The following HPD variants were observed in gnomAD, a reference collection of about 807,000 sequenced individuals.
HPD encodes the protein 4-hydroxyphenylpyruvic acid oxidase.
In HPD, 35 loss-of-function variants were observed where a neutral mutation model predicts 56.9. The ratio of observed to expected loss-of-function variants is 0.62; its 90% CI spans 0.47 to 0.82. HPD has a LOEUF of 0.82. Among genes scored for constraint, HPD ranks in the 40% least tolerant of loss-of-function variants. HPD has a pLI of 0.00. For missense variants in HPD, 442 were observed against 506.8 expected (o/e 0.87, Z 1.23); for synonymous variants, 186 against 200.2 (o/e 0.93, Z 0.60).
the HPD span, among the ~76,000 whole-genome samples, chr12:121,881,597 C>T: frequency 4.6e-5 from 7 of 152,018 alleles, no homozygotes; most frequent in South Asian, 8.3e-4. Context: ...CTCACCAGCC[C>T]CAGGTGGCTT....
the HPD span, among the ~76,000 whole-genome samples, chr12:121,888,200 C>A: frequency 6.6e-6 from 1 of 152,150 alleles, no homozygotes; most frequent in Non-Finnish European, 1.5e-5. Context: ...CATCCAGCAC[C>A]TTCAACAGTA....
intron 7 of HPD, among the ~76,000 whole-genome samples, chr12:121,851,749 G>C (rs372273603): frequency 1.3e-4 from 5 of 39,046 alleles, no homozygotes; most frequent in East Asian, 9.0e-4. Flanking sequence ...TCGCTCTGTC[G>C]CCCAGGCTGG....
the HPD span, among the ~76,000 whole-genome samples, chr12:121,885,645 G>A: frequency 6.6e-6 from 1 of 151,526 alleles, no homozygotes; most frequent in African/African-American, 2.4e-5. Context: ...TCAAGGGTGG[G>A]AGGATATTAC....
the HPD span, among the ~76,000 whole-genome samples, chr12:121,886,115 T>A: frequency 6.7e-6 from 1 of 149,706 alleles, no homozygotes; most frequent in African/African-American, 2.4e-5. Flanking sequence ...TTTAGTTTTT[T>A]TTTTTTTTTT....
chr12:121,850,232 G>C (rs937795982), intron 7 of HPD, among the ~76,000 whole-genome samples: 3 of 151,844 alleles, frequency 2.0e-5, no homozygotes, highest in Admixed American at 6.6e-5. Context: ...CCATCCTGGC[G>C]AACACGGTGA....
At chr12:121,863,380 C>T (rs868405314), upstream of HPD, among the ~76,000 whole-genome samples, 7 of 152,220 alleles carry the variant, frequency 4.6e-5, no homozygotes, top group Non-Finnish European at 7.3e-5. Flanking sequence ...GTGATCCTTC[C>T]ACGCACTCCT....
At chr12:121,872,185 G>A in the HPD span, among the ~76,000 whole-genome samples, 1 of 147,628 alleles carries the variant, frequency 6.8e-6, no homozygotes, top group Non-Finnish European at 1.5e-5. Flanking sequence ...GTTGCAGTGA[G>A]CCAAGATCAC....
intron 6 of HPD, among the ~76,000 whole-genome samples, chr12:121,855,694 G>T (rs549355383): frequency 6.6e-6 from 1 of 151,516 alleles, no homozygotes; most frequent in South Asian, 2.1e-4. Context: ...TCCAGCCTGG[G>T]CAACAGAGCA....
chr12:121,843,889 C>T, intron 11 of HPD, 57 bp from the exon 12 acceptor site: 3 of 1,611,698 alleles, frequency 1.9e-6, no homozygotes, highest in Non-Finnish European at 2.5e-6. Flanking sequence ...CTCCCCTAGC[C>T]AGGTGGAGGT....
intron 7 of HPD, among the ~76,000 whole-genome samples, chr12:121,852,488 C>A (rs574986925): frequency 1.5e-4 from 22 of 151,376 alleles, no homozygotes; most frequent in Middle Eastern, 3.4e-3. Context: ...TGAATTTAAT[C>A]TCAAGGAGGT....
upstream of HPD, among the ~76,000 whole-genome samples, chr12:121,860,421 G>A (rs1878144261): frequency 6.6e-6 from 1 of 152,212 alleles, no homozygotes; most frequent in Non-Finnish European, 1.5e-5. Flanking sequence ...GGGTTGCAAA[G>A]GCTGGCAGGC....
rs180757329 is a variant in HPD, at chr12:121,848,564, C to T, written c.596+435G>A. Among the ~76,000 whole-genome samples the T allele has an allele frequency of 1.8e-3, 274 of 151,096 alleles. 3 individuals are homozygous for T. Among genetic ancestry groups the T allele is most frequent in the Admixed American group, 0.018 (270 of 15,132 alleles). Reference sequence around the variant, plus strand: ...TGACCTCAGGTGATCCACCCGCCTCCGCCTCCCAAAGTGCTGGGATTACAG... The same window carrying T: ...TGACCTCAGGTGATCCACCCGCCTCTGCCTCCCAAAGTGCTGGGATTACAG... On this transcript the variant is annotated intron_variant, in intron 9 of 13. Transcript: ENST00000289004.
upstream of HPD, among the ~76,000 whole-genome samples, chr12:121,864,875 A>T (rs1878282482): frequency 6.6e-6 from 1 of 151,978 alleles, no homozygotes; most frequent in Non-Finnish European, 1.5e-5. Context: ...AACAACAACA[A>T]CAACAACAAA....
chr12:121,887,527 C>T, the HPD span, among the ~76,000 whole-genome samples: 18,441 of 151,848 alleles, frequency 0.12, 1,560 homozygotes, highest in African/African-American at 0.23. Flanking sequence ...TGTGCCACCA[C>T]ACCCGGCTAA....
the HPD span, among the ~76,000 whole-genome samples, chr12:121,872,085 A>AC: frequency 6.7e-6 from 1 of 149,970 alleles, no homozygotes; most frequent in Non-Finnish European, 1.5e-5. Context: ...ACAAAAAAAA[A>AC]AAAAATTAGC....
chr12:121,850,921 T>C (rs1358100494), intron 7 of HPD, among the ~76,000 whole-genome samples: 1 of 149,330 alleles, frequency 6.7e-6, no homozygotes, highest in African/African-American at 2.5e-5. Context: ...TGGAGTGCAA[T>C]GGTGCGATCT....
chr12:121,843,977 T>A, intron 11 of HPD, 145 bp from the exon 12 acceptor site: 1 of 863,546 alleles, frequency 1.2e-6, no homozygotes, highest in South Asian at 1.4e-5. Context: ...TTCCCCTTTC[T>A]TCTCTGTCAT....
At chr12:121,869,335 A>C in the HPD span, among the ~76,000 whole-genome samples, 1 of 135,048 alleles carries the variant, frequency 7.4e-6, no homozygotes, top group Non-Finnish European at 1.6e-5. Context: ...GGGTGACAAG[A>C]GTGAAACTTC....
Position 121,839,735 on chromosome 12 carries a change from C to A in HPD, c.1175G>T (p.Gly392Val). The A allele has an allele frequency of 1.9e-6, 3 of 1,611,028 alleles. No homozygotes were observed. Among genetic ancestry groups the A allele is most frequent in the Non-Finnish European group, 2.5e-6 (3 of 1,177,160 alleles). ...TNMETNGVVP[G>V]M is the part of the protein sequence containing the mutation. ...CCGTGGGGTGGGCGGGGCTTACATG[C>A]CGGGCACCACCCCATTGGTCTCCAT... Residue 392 changes from glycine to valine, a missense_variant, in exon 14 of 14, where the codon GGC becomes GTC. Physicochemically the swap from Gly to Val is moderately radical, Grantham distance 109. Coordinates refer to ENST00000289004, the MANE Select transcript of HPD (RefSeq NM_002150.3).
Sources: gnomAD v4.1 joint callset for allele counts (sites outside exome capture counted in the v4.1 genomes callset) on GRCh38, gnomAD v4.1.1 for gene constraint, MANE v1.5 for transcripts, NCBI Gene and HGNC (gene_info 2026-07-23, HGNC 2026-07-21) for gene names.